HERC3: variants seen among roughly 807,000 people sequenced by gnomAD.
The protein encoded by HERC3 is probable E3 ubiquitin-protein ligase HERC3.
A neutral mutation model predicts 129.9 loss-of-function variants in HERC3; 58 were observed. The observed-to-expected ratio is 0.45, with a 90% CI of 0.36 to 0.56. The LOEUF (loss-of-function observed/expected upper bound fraction) is 0.56, where lower values mean the gene tolerates loss of function less well. HERC3 is among the 20% of genes least tolerant of loss of function. The pLI is 0.00. For synonymous variants in HERC3, 430 were observed against 451.0 expected, an observed-to-expected ratio of 0.95 and a Z score of 0.59; for missense variants, 835 against 1,244.2, an observed-to-expected ratio of 0.67 and a Z score of 4.95.
the HERC3 span, among the ~76,000 whole-genome samples, chr4:88,542,436 T>C: frequency 6.6e-6 from 1 of 152,208 alleles, no homozygotes; most frequent in South Asian, 2.1e-4. Context: ...GTTCTGAAAT[T>C]GAGGCAATAA....
chr4:88,697,141 T>C, intron 23 of HERC3: 2 of 1,433,988 alleles, frequency 1.4e-6, no homozygotes, highest in Non-Finnish European at 1.8e-6. Flanking sequence ...TCCATCGATA[T>C]TCTGGGAAAA....
At chr4:88,644,516 A>C (rs1728485581) in intron 3 of HERC3, among the ~76,000 whole-genome samples, 1 of 152,214 alleles carries the variant, frequency 6.6e-6, no homozygotes, top group African/African-American at 2.4e-5. Flanking sequence ...AGAGTTAGAC[A>C]CTATATGATT....
In HERC3 at chr4:88,652,063, C is replaced by T. The variant is rs1260164508; in HGVS notation, c.438C>T (p.Asn146=). ...QQTILQVSCG[N]WHCLALAADG... ...CAATATTACAAGTTTCCTGTGGCAA[C>T]TGGCATTGCTTGGCTCTTGCGGCTG... is the stretch of plus-strand genomic sequence containing the variant. Residue 146 remains asparagine (N), a synonymous_variant, in exon 5 of 26, where the codon AAC becomes AAT. Coordinates refer to ENST00000402738, the MANE Select transcript of HERC3 (RefSeq NM_014606.3). 3.1e-6 allele frequency: 5 copies of T among 1,613,562 alleles called. No homozygotes were observed. The highest frequency in any genetic ancestry group is 3.4e-6 in the Non-Finnish European group (4 of 1,179,568).
chr4:88,655,820 G>A, intron 8 of HERC3, 55 bp from the exon 9 acceptor site: 3 of 1,544,208 alleles, frequency 1.9e-6, no homozygotes, highest in South Asian at 2.4e-5. Flanking sequence ...CAGAGTCAGA[G>A]TGTACATCCA....
chr4:88,702,282 T>A (rs1345288638), intron 23 of HERC3, among the ~76,000 whole-genome samples: 1 of 152,240 alleles, frequency 6.6e-6, no homozygotes, highest in Non-Finnish European at 1.5e-5. Flanking sequence ...CTCTTACATG[T>A]ATTCACTCAT....
intron 8 of HERC3, 110 bp from the exon 9 acceptor site, chr4:88,655,765 C>T: frequency 9.4e-7 from 1 of 1,067,456 alleles, no homozygotes; most frequent in Non-Finnish European, 1.4e-6. Context: ...ATGGGAAAGG[C>T]TCTATAGGAG....
chr4:88,591,259 G>A (rs1481471946), upstream of HERC3, among the ~76,000 whole-genome samples: 1 of 152,158 alleles, frequency 6.6e-6, no homozygotes, highest in Non-Finnish European at 1.5e-5. Context: ...TTTCTTAGAT[G>A]ACCTGATAAC....
chr4:88,643,721 A>G (rs760908549), intron 3 of HERC3, among the ~76,000 whole-genome samples: 7 of 152,238 alleles, frequency 4.6e-5, no homozygotes, highest in Non-Finnish European at 7.3e-5. Context: ...TGAATCTCAC[A>G]GCTTTTTAAA....
At chr4:88,585,824 C>T in the HERC3 span, among the ~76,000 whole-genome samples, 5,100 of 152,130 alleles carry the variant, frequency 0.034, 284 homozygotes, top group East Asian at 0.27. Flanking sequence ...TTGCTTTTTA[C>T]TTAACTAGAA....
rs1441279166 is a variant in HERC3, at chr4:88,693,343, A to G, written c.2657+6044A>G. 3.1e-6 allele frequency: 3 copies of G among 962,916 alleles called. No individual in the cohort carries two copies. In the African/African-American group the frequency reaches 5.3e-5, roughly 17 times the overall value. 59.6% of individuals were successfully genotyped at this position (962,916 alleles called of 1,614,324 possible). A position where few individuals can be genotyped will look rare whatever the true frequency, so the allele number is the denominator to read the frequency against. On this transcript the variant is annotated intron_variant, in intron 23 of 25. Transcript: ENST00000402738. ...ATAACATTTGAATTTGTTGGTAGAT[A>G]TTTTTGATAAATTGATTTTGCTAAT...
the HERC3 span, among the ~76,000 whole-genome samples, chr4:88,536,240 T>C: frequency 6.6e-6 from 1 of 152,230 alleles, no homozygotes; most frequent in African/African-American, 2.4e-5. Context: ...GTCCCCATAA[T>C]AGCCTGTTTC....
chr4:88,677,475 T>C (rs948091922), intron 18 of HERC3, among the ~76,000 whole-genome samples: 4 of 152,114 alleles, frequency 2.6e-5, no homozygotes, highest in African/African-American at 9.7e-5. Context: ...TGCTTGTCTG[T>C]CTCTTTCCAG....
the HERC3 span, among the ~76,000 whole-genome samples, chr4:88,553,078 A>G: frequency 6.6e-6 from 1 of 152,232 alleles, no homozygotes; most frequent in African/African-American, 2.4e-5. Flanking sequence ...TTACTGGTGG[A>G]TGGTGTAGCT....
intron 3 of HERC3, among the ~76,000 whole-genome samples, chr4:88,624,521 A>G (rs748323309): frequency 1.8e-4 from 28 of 152,194 alleles, no homozygotes; most frequent in Non-Finnish European, 3.5e-4. Context: ...TGGGTATCTT[A>G]TCTTTTGCAG....
the HERC3 span, among the ~76,000 whole-genome samples, chr4:88,586,719 TA>T: frequency 6.6e-6 from 1 of 152,228 alleles, no homozygotes; most frequent in African/African-American, 2.4e-5. Context: ...TATCAAGAAC[TA>T]AATGTGGTCA....
the HERC3 span, among the ~76,000 whole-genome samples, chr4:88,575,222 A>G: frequency 6.6e-6 from 1 of 152,254 alleles, no homozygotes; most frequent in South Asian, 2.1e-4. Context: ...ACACTTCTGT[A>G]TCCTCCTCTA....
At chr4:88,599,954 A>C (rs886716504) in intron 2 of HERC3, among the ~76,000 whole-genome samples, 2 of 152,192 alleles carry the variant, frequency 1.3e-5, no homozygotes, top group Non-Finnish European at 2.9e-5. Flanking sequence ...GCTCCTTACT[A>C]TACAGCACAG....
chr4:88,530,858 T>C, the HERC3 span, among the ~76,000 whole-genome samples: 3 of 152,192 alleles, frequency 2.0e-5, no homozygotes, highest in African/African-American at 7.2e-5. Flanking sequence ...ATTTTATTTT[T>C]ATTCTTTTTG....
At chr4:88,663,617 T>A (rs1329109701) in intron 11 of HERC3, among the ~76,000 whole-genome samples, 1 of 152,192 alleles carries the variant, frequency 6.6e-6, no homozygotes, top group East Asian at 1.9e-4. Context: ...GGGTTCCTGA[T>A]GTCCAGTTTC....
Sources: allele counts gnomAD v4.1 joint callset (sites outside exome capture counted in the v4.1 genomes callset), GRCh38; gene constraint gnomAD v4.1.1; transcripts MANE v1.5; gene names NCBI Gene and HGNC (gene_info 2026-07-23, HGNC 2026-07-21).